The following MARCHF10 variants were observed in gnomAD, a reference collection of about 807,000 sequenced individuals.
MARCHF10 encodes the protein probable E3 ubiquitin-protein ligase MARCHF10.
A neutral mutation model predicts 76.2 loss-of-function variants in MARCHF10; 64 were observed. The ratio of observed to expected loss-of-function variants is 0.84; its 90% CI spans 0.69 to 1.03. The LOEUF is 1.03. MARCHF10 is among the 50% of genes least tolerant of loss of function. The pLI, the probability that MARCHF10 is intolerant of heterozygous loss-of-function variation, is 0.00. For synonymous variants in MARCHF10, 340 were observed against 357.5 expected (o/e 0.95, Z 0.55); for missense variants, 875 against 958.0 (o/e 0.91, Z 1.14).
At position 62,725,045 on chromosome 17, in the gene MARCHF10, C is replaced by T; in HGVS notation, c.1997G>A (p.Gly666Glu). 1.2e-6 allele frequency: 2 copies of T among 1,608,724 alleles called. No homozygotes were observed. The highest frequency in any genetic ancestry group is 1.1e-5 in the South Asian group (1 of 89,828). Residue 666 changes from glycine to glutamate, a missense_variant, in exon 7 of 11, where the codon GGG becomes GAG. By Grantham distance (98) the Gly-to-Glu change is moderately conservative. Coordinates refer to ENST00000311269, the MANE Select transcript of MARCHF10 (RefSeq NM_152598.4). The stretch of plus-strand genomic sequence containing the variant: ...CAGGAGGGGGTTGCTTGGGGAACCC[C>T]CGGCTATCTGACAGATGCGACACAA... ...GDLCRICQIA[G>E]GSPSNPLLEP... is the part of the protein sequence containing the mutation.
intron 2 of MARCHF10, among the ~76,000 whole-genome samples, chr17:62,793,354 AT>A (rs2092911378): frequency 8.4e-6 from 1 of 119,450 alleles, no homozygotes; most frequent in Non-Finnish European, 1.7e-5. Flanking sequence ...AACCACCACC[AT>A]CACACCTCCA....
At chr17:62,734,594 AT>A (rs2147793396) in intron 6 of MARCHF10, among the ~76,000 whole-genome samples, 1 of 152,358 alleles carries the variant, frequency 6.6e-6, no homozygotes, top group East Asian at 1.9e-4. Context: ...TAAAAATTGC[AT>A]TTATATGCAA....
In MARCHF10 at chr17:62,736,069, G is replaced by A; in HGVS notation, c.1799C>T (p.Pro600Leu). 6.2e-7 allele frequency: 1 copy of A among 1,614,114 alleles called. No homozygotes were observed. Among genetic ancestry groups the A allele is most frequent in the Non-Finnish European group, 8.5e-7 (1 of 1,180,016 alleles). Residue 600 changes from proline to leucine, a missense_variant, in exon 6 of 11, where the codon CCA becomes CTA. Transcript: ENST00000311269. ...ATGAGACACTGCAAAGAAAGTAAATGGTGTATTTTCTTGCAGAGACCCAGA... is the reference window on the plus strand; with the variant it reads ...ATGAGACACTGCAAAGAAAGTAAATAGTGTATTTTCTTGCAGAGACCCAGA... ...HVSGSLQENT[P>L]FTFFAVSHFP...
intron 8 of MARCHF10, among the ~76,000 whole-genome samples, chr17:62,716,431 CAAAAAAA>C (rs67814270): frequency 1.6e-5 from 2 of 124,754 alleles, no homozygotes; most frequent in Non-Finnish European, 3.5e-5. Flanking sequence ...CCCCATCTCT[CAAAAAAA>C]AAAAAAAAGA....
At position 62,736,261 on chromosome 17, in the gene MARCHF10, G is replaced by A. The variant is rs2091257794; in HGVS notation, c.1607C>T (p.Ala536Val). 1.2e-6 allele frequency: 2 copies of A among 1,614,172 alleles called. No individual in the cohort carries two copies. Among genetic ancestry groups the A allele is most frequent in the South Asian group, 1.1e-5 (1 of 91,082 alleles). Residue 536 changes from alanine (A) to valine (V), a missense_variant, in exon 6 of 11, where the codon GCA becomes GTA. Physicochemically the swap from Ala to Val is moderately conservative, Grantham distance 64. Transcript: ENST00000311269. ...ENHNYFPVNS[A>V]HEFAVREAED... ...TGCTTCCCTGACAGCAAATTCGTGT[G>A]CACTGTTTACTGGGAAATAATTATG...
intron 7 of MARCHF10, among the ~76,000 whole-genome samples, chr17:62,724,564 G>A (rs1274570651): frequency 1.3e-5 from 2 of 151,990 alleles, no homozygotes; most frequent in East Asian, 1.9e-4. Flanking sequence ...AGCTGGGCAC[G>A]GCTACTGTGT....
intron 2 of MARCHF10, 31 bp downstream of exon 2, chr17:62,801,615 G>T: frequency 6.5e-7 from 1 of 1,549,726 alleles, no homozygotes; most frequent in Non-Finnish European, 8.9e-7. Flanking sequence ...GCAAGAGAAG[G>T]CAGAAGACCA....
chr17:62,704,946 G>GTTTTTTTTTT, intron 10 of MARCHF10: 3 of 837,086 alleles, frequency 3.6e-6, no homozygotes, highest in Non-Finnish European at 4.3e-6. Flanking sequence ...TTCTCCAGTC[G>GTTTTTTTTTT]TTTTTTTTTT....
At chr17:62,770,808 T>C (rs2092429941) in intron 3 of MARCHF10, among the ~76,000 whole-genome samples, 1 of 150,630 alleles carries the variant, frequency 6.6e-6, no homozygotes, top group Non-Finnish European at 1.5e-5. Flanking sequence ...CCCACAGTGC[T>C]GGGATTACAG....
At position 62,737,058 on chromosome 17, in the gene MARCHF10, C is replaced by G. The variant is rs1165136264; in HGVS notation, c.810G>C (p.Arg270Ser). The change falls in exon 6 of 11, where the codon AGG becomes AGC. Residue 270 changes from arginine (R) to serine (S), a missense_variant. Transcript: ENST00000311269. Reference protein sequence around the residue: ...TVGGPRKASFRFRDEDFYSIL... With the variant: ...TVGGPRKASFSFRDEDFYSIL... ...TGGAATAAAAGTCTTCATCTCGGAA[C>G]CTAAATGATGCCTTTCTTGGCCCTC... 1 of 1,614,094 alleles carries G rather than the reference C, an allele frequency of 6.2e-7. No homozygotes were observed. The highest frequency in any genetic ancestry group is 1.3e-5 in the African/African-American group (1 of 75,006).
At chr17:62,730,891 T>TCAACAACAACAA (rs34266869) in intron 6 of MARCHF10, among the ~76,000 whole-genome samples, 1 of 150,484 alleles carries the variant, frequency 6.6e-6, no homozygotes, top group African/African-American at 2.4e-5. Context: ...AGACTCCATC[T>TCAACAACAACAA]CAACAACAAC....
intron 3 of MARCHF10, among the ~76,000 whole-genome samples, chr17:62,786,925 A>G (rs1264113935): frequency 6.6e-6 from 1 of 152,232 alleles, no homozygotes; most frequent in African/African-American, 2.4e-5. Context: ...AGACTGCTAC[A>G]TGCTACTGTT....
In MARCHF10 at chr17:62,759,818, A is replaced by G. The variant is rs985454891; in HGVS notation, c.382+17T>C. ...GGGATTTTAGATCTGATGAATTTCA[A>G]TAAGCCAGCCACTCACCTGGAGAGG... On this transcript the variant is annotated intron_variant, in intron 4 of 10. Coordinates refer to ENST00000311269, the MANE Select transcript of MARCHF10 (RefSeq NM_152598.4). 41 of 1,608,396 alleles carry G rather than the reference A, an allele frequency of 2.5e-5. No individual in the cohort carries two copies. The highest frequency in any genetic ancestry group is 3.2e-5 in the Non-Finnish European group (38 of 1,177,674).
In MARCHF10 at chr17:62,778,883, T is replaced by A. The variant is rs143223490; in HGVS notation, c.210+9597A>T. 6.1e-4 allele frequency among the ~76,000 whole-genome samples: 92 copies of A among 152,042 alleles called. 1 individual carries two copies. The highest frequency in any genetic ancestry group is 2.1e-3 in the African/African-American group (88 of 41,476). On this transcript the variant is annotated intron_variant, in intron 3 of 10. Coordinates refer to ENST00000311269, the MANE Select transcript of MARCHF10 (RefSeq NM_152598.4). The stretch of plus-strand genomic sequence containing the variant: ...TTCTGGCTTGGGCAGAAATAAGAAC[T>A]TCAGGAAGAGGAAACAATTTGAGGG...
intron 4 of MARCHF10, among the ~76,000 whole-genome samples, chr17:62,755,890 G>A (rs2092025427): frequency 6.6e-6 from 1 of 152,220 alleles, no homozygotes; most frequent in East Asian, 1.9e-4. Context: ...AAGGCGGGAG[G>A]ATCACTTGAG....
intron 6 of MARCHF10, among the ~76,000 whole-genome samples, chr17:62,726,930 TAGA>T (rs1440727835): frequency 6.6e-6 from 1 of 152,158 alleles, no homozygotes; most frequent in Non-Finnish European, 1.5e-5. Context: ...ACACCTGGCC[TAGA>T]AGATTTTTAA....
chr17:62,761,876 T>C (rs2092212181), intron 3 of MARCHF10, among the ~76,000 whole-genome samples: 1 of 152,114 alleles, frequency 6.6e-6, no homozygotes, highest in Non-Finnish European at 1.5e-5. Flanking sequence ...CATCAATGAA[T>C]AAGGGACAGA....
chr17:62,744,137 A>G (rs116701525), intron 5 of MARCHF10, among the ~76,000 whole-genome samples: 200 of 152,226 alleles, frequency 1.3e-3, no homozygotes, highest in African/African-American at 4.7e-3. Context: ...TATGGGAGAG[A>G]AAAAGATATC....
At chr17:62,757,542 G>T (rs1370564890) in intron 4 of MARCHF10, among the ~76,000 whole-genome samples, 1 of 152,064 alleles carries the variant, frequency 6.6e-6, no homozygotes, top group East Asian at 1.9e-4. Context: ...AGCCCAGAGG[G>T]TGAGTCTACA....
Sources: gnomAD v4.1 joint callset for allele counts (sites outside exome capture counted in the v4.1 genomes callset) on GRCh38, gnomAD v4.1.1 for gene constraint, MANE v1.5 for transcripts, NCBI Gene and HGNC (gene_info 2026-07-23, HGNC 2026-07-21) for gene names.